The following MECOM variants were observed in gnomAD, a reference collection of about 807,000 sequenced individuals.
The protein encoded by MECOM is histone-lysine N-methyltransferase MECOM.
A neutral mutation model predicts 116.3 loss-of-function variants in MECOM; 13 were observed. The ratio of observed to expected loss-of-function variants is 0.11; its 90% CI spans 0.07 to 0.18. The LOEUF is 0.18. MECOM is among the 10% of genes least tolerant of loss of function. The probability of loss-of-function intolerance (pLI) is 1.00; values close to 1 mark genes in which losing one functional copy is unlikely to be tolerated. For missense variants in MECOM, 1,299 were observed against 1,509.0 expected (o/e 0.86, Z 2.31); for synonymous variants, 528 against 535.2 (o/e 0.99, Z 0.19).
intron 2 of MECOM, among the ~76,000 whole-genome samples, chr3:169,272,952 G>A (rs140757107): frequency 6.6e-6 from 1 of 152,256 alleles, no homozygotes; most frequent in Non-Finnish European, 1.5e-5. Context: ...GCTGGAGCAA[G>A]GGTGAGAGGA....
chr3:169,633,418 G>A (rs540070713), intron 1 of MECOM, among the ~76,000 whole-genome samples: 8 of 152,246 alleles, frequency 5.3e-5, no homozygotes, highest in Non-Finnish European at 7.4e-5. Context: ...AGATGTGTGC[G>A]TGTGTGTGTT....
chr3:169,190,258 G>A (rs558956871), intron 2 of MECOM, among the ~76,000 whole-genome samples: 67 of 152,014 alleles, frequency 4.4e-4, no homozygotes, highest in Non-Finnish European at 7.5e-4. Context: ...AAAAATCTGG[G>A]TGAATTTTTA....
chr3:169,540,129 G>A (rs775084871), intron 1 of MECOM, among the ~76,000 whole-genome samples: 22 of 152,102 alleles, frequency 1.4e-4, no homozygotes, highest in South Asian at 4.1e-4. Flanking sequence ...TTTTCCAGCT[G>A]CCTCTTGGAT....
chr3:169,128,936 T>C (rs1375128278), intron 4 of MECOM, among the ~76,000 whole-genome samples: 1 of 152,070 alleles, frequency 6.6e-6, no homozygotes, highest in African/African-American at 2.4e-5. Context: ...ACAGATACAA[T>C]CACAGAAGTC....
chr3:169,199,122 T>G (rs760024325), intron 2 of MECOM, among the ~76,000 whole-genome samples: 8 of 152,114 alleles, frequency 5.3e-5, no homozygotes, highest in Non-Finnish European at 8.8e-5. Context: ...TGGAGCATAC[T>G]TATTAAACCC....
chr3:169,462,279 A>G (rs1290126028), intron 1 of MECOM, among the ~76,000 whole-genome samples: 2 of 152,200 alleles, frequency 1.3e-5, no homozygotes, highest in Non-Finnish European at 2.9e-5. Flanking sequence ...TAGATGTAAT[A>G]TTATTCTTAC....
intron 2 of MECOM, among the ~76,000 whole-genome samples, chr3:169,319,672 T>C (rs1169056583): frequency 6.6e-6 from 1 of 152,192 alleles, no homozygotes; most frequent in Non-Finnish European, 1.5e-5. Flanking sequence ...ATAACAGAGT[T>C]TATTTTGGAA....
At chr3:169,386,113 C>T (rs60764737) in intron 1 of MECOM, among the ~76,000 whole-genome samples, 8,467 of 152,226 alleles carry the variant, frequency 0.056, 249 homozygotes, top group Non-Finnish European at 0.065. Flanking sequence ...GGAAAGGCCA[C>T]ATTTTGATTA....
intron 1 of MECOM, among the ~76,000 whole-genome samples, chr3:169,510,170 G>C (rs981904272): frequency 6.6e-6 from 1 of 152,196 alleles, no homozygotes; most frequent in African/African-American, 2.4e-5. Context: ...CAGATCAGGA[G>C]GGCTGGGATC....
intron 1 of MECOM, among the ~76,000 whole-genome samples, chr3:169,616,008 C>T (rs1393503408): frequency 1.3e-5 from 2 of 152,160 alleles, no homozygotes; most frequent in African/African-American, 2.4e-5. Context: ...TCCAAATCTT[C>T]GAGAATGGCC....
At chr3:169,609,496 C>G (rs900894026) in intron 1 of MECOM, among the ~76,000 whole-genome samples, 4 of 151,300 alleles carry the variant, frequency 2.6e-5, no homozygotes. Flanking sequence ...AAAACATAGC[C>G]CAATTTCCAA....
intron 1 of MECOM, among the ~76,000 whole-genome samples, chr3:169,553,404 T>C (rs570657661): frequency 6.6e-6 from 1 of 152,306 alleles, no homozygotes; most frequent in Non-Finnish European, 1.5e-5. Context: ...CTGCTAAAAC[T>C]GAAGCTACTG....
At chr3:169,561,534 A>G (rs1411367997) in intron 1 of MECOM, among the ~76,000 whole-genome samples, 1 of 152,224 alleles carries the variant, frequency 6.6e-6, no homozygotes, top group African/African-American at 2.4e-5. Context: ...AGCATACAAA[A>G]CAATGCTATT....
intron 1 of MECOM, among the ~76,000 whole-genome samples, chr3:169,592,742 T>C (rs191977051): frequency 6.6e-6 from 1 of 152,216 alleles, no homozygotes; most frequent in Non-Finnish European, 1.5e-5. Flanking sequence ...TCCCTTGCCA[T>C]GCCCTCCATC....
intron 8 of MECOM, 38 bp downstream of exon 8, chr3:169,115,345 C>T: frequency 6.3e-7 from 1 of 1,587,604 alleles, no homozygotes; most frequent in Non-Finnish European, 8.6e-7. Flanking sequence ...GCCTTTCATA[C>T]ATCTGCTCAT....
chr3:169,583,844 A>T (rs75991855), intron 1 of MECOM, among the ~76,000 whole-genome samples: 2,121 of 151,836 alleles, frequency 0.014, 20 homozygotes, highest in Middle Eastern at 0.027. Context: ...GGTTTAAGCA[A>T]TTCTCCTGCC....
At chr3:169,468,165 C>G (rs990581890) in intron 1 of MECOM, among the ~76,000 whole-genome samples, 1 of 151,870 alleles carries the variant, frequency 6.6e-6, no homozygotes, top group African/African-American at 2.4e-5. Context: ...CCCACTCTCC[C>G]AGGGTTCCCT....
chr3:169,351,332 A>G (rs537449809), intron 2 of MECOM, among the ~76,000 whole-genome samples: 1 of 151,858 alleles, frequency 6.6e-6, no homozygotes, highest in Non-Finnish European at 1.5e-5. Context: ...TACATAAAAA[A>G]GTATTGCATA....
intron 9 of MECOM, among the ~76,000 whole-genome samples, chr3:169,109,357 A>C (rs1400058695): frequency 2.6e-5 from 4 of 152,244 alleles, no homozygotes; most frequent in Non-Finnish European, 5.9e-5. Context: ...GAATTGAACT[A>C]AGAGAAGACT....
Sources: gnomAD v4.1 joint callset for allele counts (sites outside exome capture counted in the v4.1 genomes callset) on GRCh38, gnomAD v4.1.1 for gene constraint, MANE v1.5 for transcripts, NCBI Gene and HGNC (gene_info 2026-07-23, HGNC 2026-07-21) for gene names.